Variants in P3H2 observed in about 807,000 individuals in gnomAD.
P3H2 encodes the protein leprecan-like 1.
In P3H2, 80 loss-of-function variants were observed where a neutral mutation model predicts 87.0. That is an observed-to-expected ratio of 0.92 (90% CI 0.77 to 1.11). The LOEUF is 1.11. P3H2 is among the 50% of genes least tolerant of loss of function. The probability of loss-of-function intolerance (pLI) is 0.00; values close to 1 mark genes in which losing one functional copy is unlikely to be tolerated. For missense variants in P3H2, 1,001 were observed against 923.9 expected, an observed-to-expected ratio of 1.08 and a Z score of -1.08; for synonymous variants, 367 against 359.3, an observed-to-expected ratio of 1.02 and a Z score of -0.24.
At chr3:190,057,699 CCT>C (rs1447321416) in intron 1 of P3H2, among the ~76,000 whole-genome samples, 2 of 152,134 alleles carry the variant, frequency 1.3e-5, no homozygotes, top group African/African-American at 4.8e-5. Context: ...TGTGGTGTGG[CCT>C]CTGTTTTAGA....
intron 1 of P3H2, among the ~76,000 whole-genome samples, chr3:190,058,280 C>T (rs1005337763): frequency 3.3e-5 from 5 of 152,274 alleles, no homozygotes; most frequent in African/African-American, 9.6e-5. Context: ...GCTACCCTCT[C>T]TCGTGTAAGT....
chr3:190,090,713 A>C (rs1339756561), intron 1 of P3H2, among the ~76,000 whole-genome samples: 1 of 152,128 alleles, frequency 6.6e-6, no homozygotes, highest in Non-Finnish European at 1.5e-5. Flanking sequence ...AAAAAAAAAA[A>C]AAATTTACCA....
intron 13 of P3H2, among the ~76,000 whole-genome samples, chr3:189,968,804 G>A (rs1723080295): frequency 1.3e-5 from 2 of 152,112 alleles, no homozygotes; most frequent in Non-Finnish European, 2.9e-5. Flanking sequence ...GCGTGAGATG[G>A]TATCTCATTG....
intron 1 of P3H2, among the ~76,000 whole-genome samples, chr3:190,095,619 A>G (rs1395947878): frequency 1.4e-5 from 2 of 146,376 alleles, no homozygotes; most frequent in Non-Finnish European, 1.5e-5. Flanking sequence ...TTTTTCCTTT[A>G]AAACGGAGTC....
intron 1 of P3H2, among the ~76,000 whole-genome samples, chr3:190,080,051 A>G (rs1485544312): frequency 6.6e-6 from 1 of 152,250 alleles, no homozygotes; most frequent in African/African-American, 2.4e-5. Context: ...TATTAAGTAG[A>G]GGCATAAAAA....
chr3:189,993,476 C>G (rs893227125), intron 3 of P3H2, among the ~76,000 whole-genome samples: 9 of 152,058 alleles, frequency 5.9e-5, no homozygotes, highest in African/African-American at 2.2e-4. Context: ...CCACTTTCTC[C>G]TCATAAGTGG....
chr3:189,959,858 ATATGTG>A (rs1443506599), intron 14 of P3H2, among the ~76,000 whole-genome samples: 2 of 131,060 alleles, frequency 1.5e-5, no homozygotes, highest in African/African-American at 6.3e-5. Flanking sequence ...ACTGGAGGAG[ATATGTG>A]TGTGTGTGTG....
At chr3:190,072,215 C>T (rs936844882) in intron 1 of P3H2, among the ~76,000 whole-genome samples, 25 of 152,068 alleles carry the variant, frequency 1.6e-4, no homozygotes, top group Admixed American at 1.5e-3. Flanking sequence ...TTAGTAGAGA[C>T]GGGGTTTGAC....
chr3:189,983,126 AC>A lies in P3H2; in HGVS notation c.1243del (p.Val415Ter). The part of the protein sequence containing the change: ...RQDENRVPSG[V>X]NVEGAEVHGF... ...ATGAACTTCTGCTCCCTCTACGTTC[AC>A]TCCTGAAGGGACCCTGCCCATTCAA... On this transcript the variant is annotated frameshift_variant, in exon 8 of 15. Transcript: ENST00000319332. LOFTEE classifies it high-confidence loss of function. 1 of 1,613,352 alleles carries A rather than the reference AC, an allele frequency of 6.2e-7. No homozygotes were observed. Among genetic ancestry groups the A allele is most frequent in the Admixed American group, 1.7e-5 (1 of 59,948 alleles).
Position 189,994,142 on chromosome 3 carries a change from C to A in P3H2, c.775G>T (p.Glu259Ter), listed in dbSNP as rs1177013647. The change falls in exon 3 of 15, where the codon GAA (glutamate) becomes TAA (stop). Residue 259 changes from glutamate to a stop codon, truncating the protein, a stop_gained. Transcript: ENST00000319332. LOFTEE classifies it high-confidence loss of function. ...TLCEGPQRFE[E>*]YEYLGYKAGL... Reference sequence around the variant, plus strand: ...GCCTTATACCCTAAATACTCATATTCTTCAAATCTCTGAGGCCCCTCACAT... The same window carrying A: ...GCCTTATACCCTAAATACTCATATTATTCAAATCTCTGAGGCCCCTCACAT... The A allele has an allele frequency of 1.9e-6, 3 of 1,613,690 alleles. No homozygotes were observed. Among genetic ancestry groups the A allele is most frequent in the East Asian group, 2.2e-5 (1 of 44,878 alleles).
intron 8 of P3H2, among the ~76,000 whole-genome samples, chr3:189,982,485 C>T (rs1299553509): frequency 6.6e-6 from 1 of 152,200 alleles, no homozygotes; most frequent in Non-Finnish European, 1.5e-5. Flanking sequence ...TAAGTAGGCA[C>T]ATAATGTTCC....
chr3:190,000,940 C>T (rs1162953515), intron 1 of P3H2, among the ~76,000 whole-genome samples: 1 of 152,182 alleles, frequency 6.6e-6, no homozygotes, highest in Non-Finnish European at 1.5e-5. Context: ...GGCAGAAGAG[C>T]ACTGCAGTAA....
In P3H2 at chr3:189,983,089, C is replaced by T; in HGVS notation, c.1281G>A (p.Met427Ile). Residue 427 changes from methionine (M) to isoleucine (I), a missense_variant, in exon 8 of 15, where the codon ATG (methionine) becomes ATA (isoleucine). Physicochemically the swap from Met to Ile is conservative, Grantham distance 10. Transcript: ENST00000319332. Reference sequence around the variant, plus strand: ...CTATCTTGGGTGATAGCTTTTTTCCCATTGAGAATCCATGAACTTCTGCTC... The same window carrying T: ...CTATCTTGGGTGATAGCTTTTTTCCTATTGAGAATCCATGAACTTCTGCTC... ...VEGAEVHGFS[M>I]GKKLSPKIDR... is the part of the protein sequence containing the mutation. The T allele has an allele frequency of 6.2e-7, 1 of 1,613,890 alleles. No homozygotes were observed. The highest frequency in any genetic ancestry group is 8.5e-7 in the Non-Finnish European group (1 of 1,179,872).
chr3:190,047,455 C>T (rs1382972793), intron 1 of P3H2, among the ~76,000 whole-genome samples: 1 of 152,170 alleles, frequency 6.6e-6, no homozygotes, highest in Non-Finnish European at 1.5e-5. Context: ...TAGGAGTATT[C>T]ACAATAGCTA....
chr3:189,995,448 G>C lies in P3H2; in HGVS notation c.481-6C>G, dbSNP rs780002589. 3 of 1,609,272 alleles carry C rather than the reference G, an allele frequency of 1.9e-6. No homozygotes were observed. The highest frequency in any genetic ancestry group is 1.7e-5 in the Admixed American group (1 of 59,680). ...GCTTTTTCGAGCTGGTTAAGCTAAA[G>C]AGAAAAAAAAATGACCAAAATGAAG... On this transcript the variant is annotated splice_polypyrimidine_tract_variant and splice_region_variant and intron_variant, in intron 1 of 14. Coordinates refer to ENST00000319332, the MANE Select transcript of P3H2 (RefSeq NM_018192.4).
chr3:189,977,884 C>T (rs571556940), intron 8 of P3H2, among the ~76,000 whole-genome samples: 2 of 152,034 alleles, frequency 1.3e-5, no homozygotes, highest in South Asian at 2.1e-4. Flanking sequence ...TGCTTGGATT[C>T]GAGGCATGAG....
At position 189,957,038 on chromosome 3, in the gene P3H2, G is replaced by A; in HGVS notation, c.*874C>T. The A allele has an allele frequency of 2.5e-6, 1 of 398,386 alleles. No homozygotes were observed. Among genetic ancestry groups the A allele is most frequent in the Non-Finnish European group, 4.4e-6 (1 of 225,974 alleles). The allele number at this position is 398,386 out of a possible 1,614,324, so 24.7% of individuals were successfully genotyped here. A position where few individuals can be genotyped will look rare whatever the true frequency, so the allele number is the denominator to read the frequency against. ...TACAACTTATAGGACAGTCCTTTCT[G>A]GAGTACTGTGGAGGGTGAATCAAAG... On this transcript the variant is annotated 3_prime_UTR_variant, in exon 15 of 15. Coordinates refer to ENST00000319332, the MANE Select transcript of P3H2 (RefSeq NM_018192.4).
At position 189,995,407 on chromosome 3, in the gene P3H2, G is replaced by T. The variant is rs759877182; in HGVS notation, c.516C>A (p.His172Gln). Residue 172 changes from histidine to glutamine, a missense_variant, in exon 2 of 15, where the codon CAC (histidine) becomes CAA (glutamine). Transcript: ENST00000319332. ...NQLEKAVEAAHTFFVANPEHM... is the reference protein window; with the variant it reads ...NQLEKAVEAAQTFFVANPEHM... ...GCTCAGGGTTAGCCACGAAAAATGT[G>T]TGAGCTGCTTCCACTGCTTTTTCGA... 3 of 1,613,842 alleles carry T rather than the reference G, an allele frequency of 1.9e-6. No homozygotes were observed. Among genetic ancestry groups the T allele is most frequent in the Non-Finnish European group, 2.5e-6 (3 of 1,180,014 alleles).
chr3:189,972,380 T>TA (rs1286341831), intron 11 of P3H2, among the ~76,000 whole-genome samples: 1 of 152,210 alleles, frequency 6.6e-6, no homozygotes, highest in South Asian at 2.1e-4. Context: ...TTCCCAAGTG[T>TA]AAAAGTCTAC....
Sources: gnomAD v4.1 joint callset for allele counts (sites outside exome capture counted in the v4.1 genomes callset) on GRCh38, gnomAD v4.1.1 for gene constraint, MANE v1.5 for transcripts, NCBI Gene and HGNC (gene_info 2026-07-23, HGNC 2026-07-21) for gene names.